Variants in GBF1 observed in about 807,000 individuals in gnomAD.
GBF1 encodes the protein golgi brefeldin A resistant guanine nucleotide exchange factor 1.
A neutral mutation model predicts 210.5 loss-of-function variants in GBF1; 114 were observed. That is an observed-to-expected ratio of 0.54 (90% CI 0.47 to 0.63). GBF1 has a LOEUF of 0.63. Ranked by LOEUF, GBF1 falls within the 30% of genes least tolerant of loss-of-function variation. The pLI, the probability that GBF1 is intolerant of heterozygous loss-of-function variation, is 0.00. For synonymous variants in GBF1, 850 were observed against 889.2 expected (o/e 0.96, Z 0.78); for missense variants, 1,851 against 2,357.7 (o/e 0.79, Z 4.45).
At chr10:102,353,784 C>G (rs150048398) in intron 8 of GBF1, 130 bp downstream of exon 8, 1 of 671,444 alleles carries the variant, frequency 1.5e-6, no homozygotes, top group East Asian at 2.7e-5. Flanking sequence ...CTAGAAGTAG[C>G]TCTCACTCCT....
intron 3 of GBF1, among the ~76,000 whole-genome samples, chr10:102,335,659 A>G (rs1348492412): frequency 6.6e-6 from 1 of 152,198 alleles, no homozygotes; most frequent in African/African-American, 2.4e-5. Context: ...AGCTAGTGCT[A>G]TGATCTTAGC....
chr10:102,263,530 T>G (rs1484255188), intron 3 of GBF1, among the ~76,000 whole-genome samples: 1 of 152,246 alleles, frequency 6.6e-6, no homozygotes, highest in Non-Finnish European at 1.5e-5. Flanking sequence ...CATTGGACAT[T>G]GTCAGTAAAC....
intron 6 of GBF1, among the ~76,000 whole-genome samples, chr10:102,352,204 T>C (rs2059028405): frequency 6.6e-6 from 1 of 152,214 alleles, no homozygotes; most frequent in Admixed American, 6.5e-5. Flanking sequence ...AATCACCCTC[T>C]CTTGGGGTTT....
intron 13 of GBF1, 36 bp downstream of exon 13, chr10:102,361,156 A>G (rs780780360): frequency 3.7e-6 from 4 of 1,082,470 alleles, no homozygotes; most frequent in Non-Finnish European, 5.8e-6. Context: ...AGGGGGAAAA[A>G]AAATAGGGAG....
intron 3 of GBF1, among the ~76,000 whole-genome samples, chr10:102,275,185 T>C (rs371807795): frequency 2.5e-4 from 38 of 152,212 alleles, no homozygotes; most frequent in Middle Eastern, 3.4e-3. Flanking sequence ...GTTTACCTTA[T>C]GTTGCTAAAA....
At chr10:102,230,819 C>T in the GBF1 span, 1 of 1,567,752 alleles carries the variant, frequency 6.4e-7, no homozygotes, top group Admixed American at 1.9e-5. Flanking sequence ...GCAGCCGCGG[C>T]GGAGGGCACC....
chr10:102,278,195 C>T (rs1298980531), intron 3 of GBF1, among the ~76,000 whole-genome samples: 1 of 151,998 alleles, frequency 6.6e-6, no homozygotes, highest in Non-Finnish European at 1.5e-5. Context: ...GATTTGGAGG[C>T]TGCGGTGAGC....
intron 3 of GBF1, among the ~76,000 whole-genome samples, chr10:102,305,809 A>G (rs2077809527): frequency 6.6e-6 from 1 of 152,246 alleles, no homozygotes; most frequent in South Asian, 2.1e-4. Flanking sequence ...TGTATTGAAT[A>G]TCTTTTGTAT....
At chr10:102,314,982 T>A (rs1401380572) in intron 3 of GBF1, among the ~76,000 whole-genome samples, 1 of 152,178 alleles carries the variant, frequency 6.6e-6, no homozygotes, top group Non-Finnish European at 1.5e-5. Context: ...GGCAGGCTGT[T>A]CTCAGAGATG....
At chr10:102,255,464 T>C (rs2072213977) in intron 1 of GBF1, among the ~76,000 whole-genome samples, 1 of 152,226 alleles carries the variant, frequency 6.6e-6, no homozygotes, top group African/African-American at 2.4e-5. Context: ...TAAAAGTAGT[T>C]AATAGGTAAT....
At chr10:102,305,172 G>T (rs1271746268) in intron 3 of GBF1, among the ~76,000 whole-genome samples, 1 of 121,058 alleles carries the variant, frequency 8.3e-6, no homozygotes, top group East Asian at 2.5e-4. Context: ...ATTATATGCA[G>T]ATTTGTGTGT....
chr10:102,334,250 C>T (rs775236155), intron 3 of GBF1, among the ~76,000 whole-genome samples: 2 of 152,162 alleles, frequency 1.3e-5, no homozygotes, highest in Non-Finnish European at 2.9e-5. Context: ...TCCTTGTCAG[C>T]GTAATCCAAT....
In GBF1 at chr10:102,363,918, G is replaced by C. The variant is rs1194036126; in HGVS notation, c.2106+120G>C. On this transcript the variant is annotated intron_variant, in intron 17 of 39. Transcript: ENST00000369983. This position sits in a 1 kb window ranked among gnomAD's most constrained non-coding sequence, Gnocchi z 4.2. ...CTCATTGTACAGCTTCCTGAGGCCA[G>C]TCTTTGGGCTTGTTGGGACTTCAGC... is the stretch of plus-strand genomic sequence containing the variant. 1 of 644,198 alleles carries C rather than the reference G, an allele frequency of 1.6e-6. No individual in the cohort carries two copies. Among genetic ancestry groups the C allele is most frequent in the Non-Finnish European group, 2.7e-6 (1 of 366,576 alleles). 39.9% of individuals were successfully genotyped at this position (644,198 alleles called of 1,614,324 possible).
intron 36 of GBF1, 43 bp downstream of exon 36, chr10:102,379,997 C>G: frequency 7.4e-7 from 1 of 1,346,154 alleles, no homozygotes; most frequent in Non-Finnish European, 1.1e-6. Context: ...CCCATACCTG[C>G]CTTTTCCCGA....
At chr10:102,348,188 C>T (rs1485001917) in intron 4 of GBF1, among the ~76,000 whole-genome samples, 2 of 152,198 alleles carry the variant, frequency 1.3e-5, no homozygotes, top group Non-Finnish European at 2.9e-5. Flanking sequence ...CTGCCCACCT[C>T]AGCCTCCCAA....
Position 102,360,178 on chromosome 10 carries a change from C to A in GBF1, c.1181-6C>A. 1 of 1,599,520 alleles carries A rather than the reference C, an allele frequency of 6.3e-7. No homozygotes were observed. The highest frequency in any genetic ancestry group is 2.2e-5 in the East Asian group (1 of 44,806). Reference sequence around the variant, plus strand: ...GCAGTCTCACTCTCCTCCTGGCCTTCCCCAGGCACAGCTTTGGTCCCCTAT... The same window carrying A: ...GCAGTCTCACTCTCCTCCTGGCCTTACCCAGGCACAGCTTTGGTCCCCTAT... On this transcript the variant is annotated splice_polypyrimidine_tract_variant and splice_region_variant and intron_variant, in intron 11 of 39. Transcript: ENST00000369983.
chr10:102,365,744 C>T (rs759167870), intron 18 of GBF1, 145 bp downstream of exon 18: 2 of 704,570 alleles, frequency 2.8e-6, no homozygotes, highest in African/African-American at 3.6e-5. Flanking sequence ...AACCCTGTCT[C>T]TACAAAAAAT....
intron 38 of GBF1, 100 bp downstream of exon 38, chr10:102,380,786 T>TC: frequency 1.0e-6 from 1 of 995,856 alleles, no homozygotes; most frequent in Non-Finnish European, 1.5e-6. Context: ...GGTGGGTGGA[T>TC]CACCCGAGGG....
intron 3 of GBF1, among the ~76,000 whole-genome samples, chr10:102,302,229 C>T (rs534308809): frequency 7.9e-5 from 12 of 152,206 alleles, no homozygotes; most frequent in Admixed American, 5.2e-4. Flanking sequence ...AGTCCAGCTT[C>T]GGCTTGGCAT....
Sources: allele counts gnomAD v4.1 joint callset (sites outside exome capture counted in the v4.1 genomes callset), GRCh38; gene constraint gnomAD v4.1.1; non-coding constraint Gnocchi (gnomAD v3.1); transcripts MANE v1.5; gene names NCBI Gene and HGNC (gene_info 2026-07-23, HGNC 2026-07-21).